The following TIMP3 variants were observed in gnomAD, a reference collection of about 807,000 sequenced individuals.
The protein encoded by TIMP3 is metalloproteinase inhibitor 3.
Under a neutral mutation model 30.0 loss-of-function variants are expected in TIMP3, and 11 were observed. That is an observed-to-expected ratio of 0.37 (90% confidence interval 0.23 to 0.61). The LOEUF is 0.61. TIMP3 is among the 20% of genes least tolerant of loss of function. TIMP3 has a pLI of 0.70. For synonymous variants in TIMP3, 112 were observed against 111.3 expected (o/e 1.01, Z -0.04); for missense variants, 181 against 276.8 (o/e 0.65, Z 2.45).
chr22:32,858,204 C>T, intron 4 of TIMP3, 66 bp downstream of exon 4: 5 of 1,598,760 alleles, frequency 3.1e-6, no homozygotes, highest in Non-Finnish European at 4.3e-6. Flanking sequence ...AACATCAGCT[C>T]CCAATGCACT....
rs374814967 is a variant in TIMP3 at position 32,802,094 on chromosome 22, C to A, written c.93C>A (p.Pro31=). The A allele has an allele frequency of 3.2e-6, 5 of 1,580,708 alleles. No individual in the cohort carries two copies. The highest frequency in any genetic ancestry group is 3.4e-6 in the Non-Finnish European group (4 of 1,168,614). The change falls in exon 1 of 5, where the codon CCC becomes CCA. Residue 31 remains proline (P), a synonymous_variant. Coordinates refer to ENST00000266085, the MANE Select transcript of TIMP3 (RefSeq NM_000362.5). ...CGTGCACATGCTCGCCCAGCCACCC[C>A]CAGGACGCCTTCTGCAACTCCGACA... is the stretch of plus-strand genomic sequence containing the variant. ...AEACTCSPSH[P]QDAFCNSDIV...
At chr22:32,849,326 C>G in intron 1 of TIMP3, 126 bp from the exon 2 acceptor site, 1 of 761,138 alleles carries the variant, frequency 1.3e-6, no homozygotes, top group South Asian at 1.5e-5. Flanking sequence ...ATCATCTATT[C>G]CAGTTGGCTC....
chr22:32,851,784 C>T (rs1224494864), intron 2 of TIMP3, among the ~76,000 whole-genome samples: 1 of 152,108 alleles, frequency 6.6e-6, no homozygotes, highest in African/African-American at 2.4e-5. Context: ...CATCTCATGC[C>T]TTTCATTCAC....
At chr22:32,826,065 G>A (rs1455716474) in intron 1 of TIMP3, among the ~76,000 whole-genome samples, 1 of 152,176 alleles carries the variant, frequency 6.6e-6, no homozygotes, top group African/African-American at 2.4e-5. Context: ...TATTTTATAG[G>A]TTTTTGTTTG....
At chr22:32,823,972 T>G (rs920056335) in intron 1 of TIMP3, among the ~76,000 whole-genome samples, 12 of 152,086 alleles carry the variant, frequency 7.9e-5, no homozygotes, top group African/African-American at 2.9e-4. Context: ...CAAAAAACCC[T>G]TACATTCCTG....
chr22:32,849,101 G>C (rs537516104), intron 1 of TIMP3, among the ~76,000 whole-genome samples: 1 of 152,226 alleles, frequency 6.6e-6, no homozygotes, highest in Admixed American at 6.5e-5. Context: ...GGACAAGGGA[G>C]GGGGGACAAT....
chr22:32,859,159 C>A (rs1253548583), intron 4 of TIMP3, 21 bp from the exon 5 acceptor site: 2 of 1,613,968 alleles, frequency 1.2e-6, no homozygotes, highest in Admixed American at 3.3e-5. Context: ...CCATCAACTG[C>A]TGCCTGTTAT....
chr22:32,839,235 A>C (rs2047823995), intron 1 of TIMP3, among the ~76,000 whole-genome samples: 1 of 152,142 alleles, frequency 6.6e-6, no homozygotes, highest in Non-Finnish European at 1.5e-5. Context: ...ATAATCCTGT[A>C]GATACTGCAA....
At position 32,845,204 on chromosome 22, in the gene TIMP3, C is replaced by CT. The variant is rs796510322; in HGVS notation, c.122-4237dup. On this transcript the variant is annotated intron_variant, in intron 1 of 4. Transcript: ENST00000266085. ...TGGAGACTAGTCCTCTAGCCATAAA[C>CT]TTTTTTTTTTTGAGATGGAATCTCG... Among the ~76,000 whole-genome samples, 66 of 148,318 alleles carry CT rather than the reference C, an allele frequency of 4.4e-4. 1 individual carries two copies. In the South Asian group the frequency reaches 5.8e-3, roughly 13 times the overall value.
At chr22:32,806,826 A>G (rs986444278) in intron 1 of TIMP3, among the ~76,000 whole-genome samples, 1 of 152,148 alleles carries the variant, frequency 6.6e-6, no homozygotes, top group Non-Finnish European at 1.5e-5. Flanking sequence ...GGAGAAGAGT[A>G]AAATCCTTTC....
At position 32,801,946 on chromosome 22, in the gene TIMP3, G is replaced by T; in HGVS notation, c.-56G>T. 1 of 1,541,890 alleles carries T rather than the reference G, an allele frequency of 6.5e-7. No individual in the cohort carries two copies. Among genetic ancestry groups the T allele is most frequent in the Non-Finnish European group, 8.7e-7 (1 of 1,153,650 alleles). ...GCTGCAGCAGCCCCGCCGGCGGCGCGCACGGCAACTTTGGAGAGGCGAGCA... is the reference window on the plus strand; with the variant it reads ...GCTGCAGCAGCCCCGCCGGCGGCGCTCACGGCAACTTTGGAGAGGCGAGCA... On this transcript the variant is annotated 5_prime_UTR_variant, in exon 1 of 5. Transcript: ENST00000266085. This position sits in a 1 kb window ranked among gnomAD's most constrained non-coding sequence, Gnocchi z 4.7.
At chr22:32,806,492 A>T (rs135025) in intron 1 of TIMP3, among the ~76,000 whole-genome samples, 1,700 of 152,052 alleles carry the variant, frequency 0.011, 37 homozygotes, top group African/African-American at 0.038. Flanking sequence ...ACCTTTTGTC[A>T]TAGTCTACTC....
At chr22:32,846,538 C>T (rs549166996) in intron 1 of TIMP3, among the ~76,000 whole-genome samples, 101 of 152,156 alleles carry the variant, frequency 6.6e-4, no homozygotes, top group Non-Finnish European at 1.1e-3. Context: ...TATATTAATA[C>T]GACCCTCACA....
At chr22:32,805,040 T>TGC (rs1334759365) in intron 1 of TIMP3, among the ~76,000 whole-genome samples, 2 of 134,586 alleles carry the variant, frequency 1.5e-5, no homozygotes, top group Non-Finnish European at 3.2e-5. Flanking sequence ...TGTGTGTGTG[T>TGC]GCGCGTGTGT....
intron 2 of TIMP3, among the ~76,000 whole-genome samples, chr22:32,853,277 C>G (rs936774675): frequency 7.9e-5 from 12 of 152,292 alleles, no homozygotes; most frequent in African/African-American, 2.6e-4. Flanking sequence ...TCCTGCTAGA[C>G]AAATTGCTGT....
intron 1 of TIMP3, among the ~76,000 whole-genome samples, chr22:32,806,707 A>AT (rs1157905023): frequency 1.2e-4 from 18 of 152,368 alleles, no homozygotes; most frequent in African/African-American, 3.8e-4. Flanking sequence ...AAAAGCTACA[A>AT]GTATATGAAT....
intron 1 of TIMP3, among the ~76,000 whole-genome samples, chr22:32,839,101 C>T (rs1323537291): frequency 6.6e-6 from 1 of 151,752 alleles, no homozygotes; most frequent in African/African-American, 2.4e-5. Context: ...GTGATTCTCA[C>T]CTAGGCAAGG....
At chr22:32,815,896 C>A (rs1442491160) in intron 1 of TIMP3, among the ~76,000 whole-genome samples, 1 of 152,182 alleles carries the variant, frequency 6.6e-6, no homozygotes, top group Non-Finnish European at 1.5e-5. Context: ...TGTGTCTGTT[C>A]TGTGGTCTGT....
In TIMP3 at chr22:32,857,329, G is replaced by A. The variant is rs1362628563; in HGVS notation, c.285G>A (p.Leu95=). The change falls in exon 3 of 5, where the codon CTG becomes CTA. Residue 95 remains leucine (L), a synonymous_variant. Transcript: ENST00000266085. The stretch of plus-strand genomic sequence containing the variant: ...CCGAGAGTCTCTGTGGCCTTAAGCT[G>A]GAGGTCAACAAGTACCAGTACCTGC... The part of the protein sequence containing the change: ...EASESLCGLK[L]EVNKYQYLLT... 5 of 1,614,084 alleles carry A rather than the reference G, an allele frequency of 3.1e-6. No homozygotes were observed. Among genetic ancestry groups the A allele is most frequent in the Non-Finnish European group, 4.2e-6 (5 of 1,179,980 alleles).
Sources: gnomAD v4.1 joint callset for allele counts (sites outside exome capture counted in the v4.1 genomes callset) on GRCh38, gnomAD v4.1.1 for gene constraint, Gnocchi (gnomAD v3.1) non-coding constraint, MANE v1.5 for transcripts, NCBI Gene and HGNC (gene_info 2026-07-23, HGNC 2026-07-21) for gene names.